Variants in LAMB4 observed in about 807,000 individuals in gnomAD.
The protein encoded by LAMB4 is laminin subunit beta-4.
In LAMB4, 196 loss-of-function variants were observed where a neutral mutation model predicts 199.2. The ratio of observed to expected loss-of-function variants is 0.98; its 90% CI spans 0.88 to 1.11. The LOEUF (loss-of-function observed/expected upper bound fraction) is 1.11. Among genes scored for constraint, LAMB4 ranks in the 50% least tolerant of loss-of-function variants. LAMB4 has a pLI of 0.00. For synonymous variants in LAMB4, 744 were observed against 770.6 expected, an observed-to-expected ratio of 0.97 and a Z score of 0.57; for missense variants, 2,080 against 2,171.2, an observed-to-expected ratio of 0.96 and a Z score of 0.83.
intron 29 of LAMB4, among the ~76,000 whole-genome samples, chr7:108,038,163 C>CT (rs199791625): frequency 7.5e-4 from 110 of 146,768 alleles, no homozygotes; most frequent in Middle Eastern, 3.6e-3. Flanking sequence ...TATAAAGAAA[C>CT]TTTTTTTTTT....
intron 29 of LAMB4, among the ~76,000 whole-genome samples, chr7:108,040,026 G>A (rs1303558480): frequency 2.0e-5 from 3 of 152,122 alleles, no homozygotes; most frequent in African/African-American, 7.2e-5. Context: ...CGTAGCCTTG[G>A]CCCAAAAGCT....
intron 6 of LAMB4, 130 bp from the exon 7 acceptor site, chr7:108,106,702 C>T (rs113040934): frequency 2.2e-5 from 13 of 579,430 alleles, no homozygotes; most frequent in African/African-American, 1.4e-4. Context: ...GTAGCTGAGA[C>T]CACAGGCATG....
At chr7:108,018,402 C>T in the LAMB4 span, among the ~76,000 whole-genome samples, 49 of 152,262 alleles carry the variant, frequency 3.2e-4, no homozygotes, top group South Asian at 8.3e-3. Flanking sequence ...GCAGGGTTGT[C>T]GTGGCTGGTT....
At chr7:108,041,904 G>C (rs532140389) in intron 29 of LAMB4, among the ~76,000 whole-genome samples, 1 of 152,076 alleles carries the variant, frequency 6.6e-6, no homozygotes. Context: ...AAAAAAGTTC[G>C]AATGAAAAGT....
chr7:108,029,264 C>T, intron 32 of LAMB4, 68 bp from the exon 33 acceptor site: 1 of 1,360,782 alleles, frequency 7.3e-7, no homozygotes, highest in Non-Finnish European at 1.0e-6. Context: ...CATGATGATT[C>T]TCCTAATTCC....
At chr7:108,072,191 T>C (rs1444690645) in intron 17 of LAMB4, among the ~76,000 whole-genome samples, 3 of 152,316 alleles carry the variant, frequency 2.0e-5, no homozygotes, top group Admixed American at 6.5e-5. Flanking sequence ...ACCCTGTTTA[T>C]AGTTTGAGTC....
the LAMB4 span, among the ~76,000 whole-genome samples, chr7:108,015,153 T>A: frequency 6.6e-6 from 1 of 152,246 alleles, no homozygotes; most frequent in Non-Finnish European, 1.5e-5. Context: ...AAGTAATTGT[T>A]CTCTTGATCC....
At chr7:108,109,759 G>A (rs535843981) in intron 4 of LAMB4, among the ~76,000 whole-genome samples, 3 of 152,230 alleles carry the variant, frequency 2.0e-5, no homozygotes, top group South Asian at 2.1e-4. Flanking sequence ...TGGCTGAGGC[G>A]GTGGTAGAGG....
At position 108,048,419 on chromosome 7, in the gene LAMB4, G is replaced by A. The variant is rs7801585; in HGVS notation, c.4123-308C>T. Among the ~76,000 whole-genome samples the A allele has an allele frequency of 2.1e-3, 322 of 152,178 alleles. 1 individual carries two copies. The highest frequency in any genetic ancestry group is 7.4e-3 in the African/African-American group (308 of 41,530). On this transcript the variant is annotated intron_variant, in intron 27 of 33. Coordinates refer to ENST00000388781, the MANE Select transcript of LAMB4 (RefSeq NM_007356.3). ...GACCTCAGGTGATCCGCCCACCTCG[G>A]CCTCCCAAAGTGCTGAGATTACAGG...
intron 4 of LAMB4, among the ~76,000 whole-genome samples, chr7:108,111,610 A>G (rs1295907549): frequency 3.9e-5 from 6 of 152,236 alleles, no homozygotes; most frequent in South Asian, 2.1e-4. Flanking sequence ...CTTAAAATAC[A>G]TTTTGATTTT....
At chr7:108,027,280 A>G (rs2034871864) in intron 33 of LAMB4, among the ~76,000 whole-genome samples, 1 of 152,152 alleles carries the variant, frequency 6.6e-6, no homozygotes, top group Non-Finnish European at 1.5e-5. Context: ...CTTTCTTAGT[A>G]TTTCATAGTT....
At chr7:108,115,230 A>T (rs2038364523) in intron 3 of LAMB4, among the ~76,000 whole-genome samples, 1 of 152,272 alleles carries the variant, frequency 6.6e-6, no homozygotes. Context: ...GGAAATGGAA[A>T]TTAAGCAAAT....
At position 108,104,609 on chromosome 7, in the gene LAMB4, T is replaced by G. The variant is rs769456961; in HGVS notation, c.881A>C (p.Gln294Pro). 11 of 1,613,896 alleles carry G rather than the reference T, an allele frequency of 6.8e-6. No individual in the cohort carries two copies. The African/African-American group carries it at 1.5e-4, about 22-fold the overall frequency. ...VFSPPGMVHG[Q>P]CVCQHNTDGP... ...ATCTGTATTGTGCTGACACACACAC[T>G]GACCGTGAACCTGCATTGTGCAATA... is the stretch of plus-strand genomic sequence containing the variant. The change falls in exon 9 of 34, where the codon CAG (glutamine) becomes CCG (proline). Residue 294 changes from glutamine to proline, a missense_variant. By Grantham distance (76) the Gln-to-Pro change is moderately conservative (BLOSUM62 -1). Coordinates refer to ENST00000388781, the MANE Select transcript of LAMB4 (RefSeq NM_007356.3).
At chr7:108,015,019 G>A in the LAMB4 span, among the ~76,000 whole-genome samples, 1 of 151,960 alleles carries the variant, frequency 6.6e-6, no homozygotes. Flanking sequence ...ACTGCGCCCG[G>A]CCTAGAACTG....
Position 108,043,800 on chromosome 7 carries a change from C to T in LAMB4, c.4423G>A (p.Glu1475Lys), listed in dbSNP as rs755167753. ...TTGATGAAAAGATTGATGTTTTCTTCTTCAGAGTCACTTTGGTTTCTTATA... is the reference window on the plus strand; with the variant it reads ...TTGATGAAAAGATTGATGTTTTCTTTTTCAGAGTCACTTTGGTTTCTTATA... ...GNIRNQSDSE[E>K]ENINLFIKKV... The change falls in exon 29 of 34, where the codon GAA becomes AAA. Residue 1475 changes from glutamate (E) to lysine (K), a missense_variant. By Grantham distance (56) the Glu-to-Lys change is moderately conservative (BLOSUM62 1). Transcript: ENST00000388781. 1.9e-6 allele frequency: 3 copies of T among 1,602,704 alleles called. No individual in the cohort carries two copies. The highest frequency in any genetic ancestry group is 1.7e-6 in the Non-Finnish European group (2 of 1,172,340).
intron 10 of LAMB4, among the ~76,000 whole-genome samples, chr7:108,098,867 G>A (rs576482828): frequency 2.0e-5 from 3 of 152,162 alleles, no homozygotes; most frequent in African/African-American, 4.8e-5. Flanking sequence ...ACTAGATTAT[G>A]TTAAGAATAG....
At chr7:108,079,130 C>T (rs766258987) in intron 15 of LAMB4, among the ~76,000 whole-genome samples, 1 of 152,136 alleles carries the variant, frequency 6.6e-6, no homozygotes, top group Admixed American at 6.5e-5. Context: ...AAAAGGTGGG[C>T]GGCAGGGGGT....
Position 108,072,431 on chromosome 7 carries a change from G to C in LAMB4, c.2125-2546C>G, listed in dbSNP as rs146262236. ...TAGCATATTACATTGATGTTATTTG[G>C]AAGTCATGTATGCAGATAGGCTATA... On this transcript the variant is annotated intron_variant, in intron 17 of 33. Transcript: ENST00000388781. 3.6e-3 allele frequency among the ~76,000 whole-genome samples: 548 copies of C among 152,178 alleles called. 2 individuals carry two copies. Among genetic ancestry groups the C allele is most frequent in the Non-Finnish European group, 4.5e-3 (304 of 68,012 alleles).
chr7:108,077,558 G>A (rs2036752387), intron 16 of LAMB4, among the ~76,000 whole-genome samples: 1 of 152,136 alleles, frequency 6.6e-6, no homozygotes, highest in Admixed American at 6.5e-5. Context: ...GCCAGGCGTG[G>A]TGGAATGCTC....
Sources: allele counts gnomAD v4.1 joint callset (sites outside exome capture counted in the v4.1 genomes callset), GRCh38; gene constraint gnomAD v4.1.1; transcripts MANE v1.5; gene names NCBI Gene and HGNC (gene_info 2026-07-23, HGNC 2026-07-21).